ZFHX3: variants seen among roughly 807,000 people sequenced by gnomAD.
The protein encoded by ZFHX3 is zinc finger homeobox 3.
ZFHX3 carries 42 observed loss-of-function variants against 279.1 expected under a neutral mutation model. That is an observed-to-expected ratio of 0.15 (90% CI 0.12 to 0.19). ZFHX3 has a LOEUF of 0.19. ZFHX3 is among the 10% of genes least tolerant of loss of function. The pLI, the probability that ZFHX3 is intolerant of heterozygous loss-of-function variation, is 1.00. For missense variants in ZFHX3, 4,981 were observed against 4,754.0 expected, an observed-to-expected ratio of 1.05 and a Z score of -1.40; for synonymous variants, 2,293 against 1,957.8, an observed-to-expected ratio of 1.17 and a Z score of -4.52.
chr16:73,630,432 CT>C (rs2052457711), intron 2 of ZFHX3, among the ~76,000 whole-genome samples: 1 of 152,226 alleles, frequency 6.6e-6, no homozygotes, highest in Admixed American at 6.5e-5. Flanking sequence ...TCAACTTCAC[CT>C]TGCTATGGAG....
chr16:73,891,049 A>C (rs2030522040), intron 1 of ZFHX3, among the ~76,000 whole-genome samples: 1 of 102,218 alleles, frequency 9.8e-6, no homozygotes, highest in Non-Finnish European at 1.9e-5. Context: ...CCCCGCTCAG[A>C]GAAGTGATCA....
chr16:73,097,679 TC>T (rs1362447234), intron 7 of ZFHX3, among the ~76,000 whole-genome samples: 3 of 152,160 alleles, frequency 2.0e-5, no homozygotes, highest in African/African-American at 7.2e-5. Flanking sequence ...TTCTCGTCAC[TC>T]TAAACGTAAA....
intron 4 of ZFHX3, among the ~76,000 whole-genome samples, chr16:72,839,267 C>T (rs962730195): frequency 4.6e-5 from 7 of 151,720 alleles, no homozygotes; most frequent in South Asian, 2.1e-4. Context: ...ACAAAGGAGG[C>T]GCGCTCTCTG....
chr16:73,012,124 G>A (rs1963938744), intron 1 of ZFHX3, among the ~76,000 whole-genome samples: 2 of 152,200 alleles, frequency 1.3e-5, no homozygotes, highest in Non-Finnish European at 2.9e-5. Context: ...TCTCAGCAGG[G>A]CTTTGAAACC....
chr16:73,281,871 G>A (rs2014466515), intron 4 of ZFHX3, among the ~76,000 whole-genome samples: 1 of 152,070 alleles, frequency 6.6e-6, no homozygotes, highest in Admixed American at 6.6e-5. Flanking sequence ...ATATGATCAG[G>A]GGTTACAGGG....
chr16:73,675,338 C>T (rs376853039), intron 2 of ZFHX3, among the ~76,000 whole-genome samples: 102 of 152,030 alleles, frequency 6.7e-4, no homozygotes, highest in African/African-American at 2.3e-3. Context: ...CCCAAAACCT[C>T]CCTAAATAGA....
At chr16:73,751,537 G>C (rs750661518) in intron 1 of ZFHX3, among the ~76,000 whole-genome samples, 2 of 151,972 alleles carry the variant, frequency 1.3e-5, no homozygotes, top group African/African-American at 4.8e-5. Flanking sequence ...ATGTGTGTGT[G>C]TGTATATATG....
intron 1 of ZFHX3, among the ~76,000 whole-genome samples, chr16:73,850,773 C>T (rs758080607): frequency 1.3e-5 from 2 of 149,562 alleles, no homozygotes; most frequent in South Asian, 2.2e-4. Context: ...CAGCTCTCTT[C>T]GCCCAAAGCC....
chr16:73,574,494 G>C (rs2051778765), intron 2 of ZFHX3, among the ~76,000 whole-genome samples: 1 of 152,102 alleles, frequency 6.6e-6, no homozygotes, highest in Admixed American at 6.5e-5. Flanking sequence ...CAAATTCTTT[G>C]GGAGTAGAGA....
rs185482992 is a variant in ZFHX3, at chr16:73,623,601, G to A, written c.-1547+56579C>T. Among the ~76,000 whole-genome samples, 26 of 152,298 alleles carry A rather than the reference G, an allele frequency of 1.7e-4. No individual in the cohort carries two copies. The East Asian group carries it at 5.0e-3, about 29-fold the overall frequency. Reference sequence around the variant, plus strand: ...TAATTTCCCTAAAATGGAGGTAATAGGTACTCAGGGAATACACCTCCAGGG... The same window carrying A: ...TAATTTCCCTAAAATGGAGGTAATAAGTACTCAGGGAATACACCTCCAGGG... On this transcript the variant is annotated intron_variant, in intron 2 of 17. Transcript: ENST00000641206.
chr16:73,602,136 C>T (rs1397724992), intron 2 of ZFHX3, among the ~76,000 whole-genome samples: 1 of 151,724 alleles, frequency 6.6e-6, no homozygotes, highest in Non-Finnish European at 1.5e-5. Flanking sequence ...TGTCTCAAAA[C>T]AAAACAGAAA....
chr16:73,283,206 C>T (rs183206210), intron 4 of ZFHX3, among the ~76,000 whole-genome samples: 9 of 152,214 alleles, frequency 5.9e-5, no homozygotes, highest in Admixed American at 2.6e-4. Context: ...ACCTGCTTTC[C>T]GGCAACTGTT....
intron 3 of ZFHX3, among the ~76,000 whole-genome samples, chr16:73,373,410 C>A (rs2016666941): frequency 6.6e-6 from 1 of 152,092 alleles, no homozygotes. Flanking sequence ...GGAGATGGAC[C>A]TTTGTGGGGC....
intron 1 of ZFHX3, among the ~76,000 whole-genome samples, chr16:73,685,096 C>A (rs2053067663): frequency 6.6e-6 from 1 of 151,808 alleles, no homozygotes; most frequent in Non-Finnish European, 1.5e-5. Context: ...CTCACTGCAA[C>A]CTCTGCCTTC....
At chr16:73,522,807 G>A (rs1299616198) in intron 2 of ZFHX3, among the ~76,000 whole-genome samples, 1 of 152,186 alleles carries the variant, frequency 6.6e-6, no homozygotes, top group Non-Finnish European at 1.5e-5. Context: ...AGTTCCACCT[G>A]GCTGGGGAGG....
intron 5 of ZFHX3, among the ~76,000 whole-genome samples, chr16:73,218,139 T>C (rs2012279586): frequency 6.6e-6 from 1 of 152,172 alleles, no homozygotes; most frequent in Non-Finnish European, 1.5e-5. Context: ...TGGAGCCCAG[T>C]ACATGGTATG....
intron 2 of ZFHX3, among the ~76,000 whole-genome samples, chr16:73,556,385 G>A (rs909674154): frequency 1.3e-5 from 2 of 152,184 alleles, no homozygotes; most frequent in African/African-American, 4.8e-5. Context: ...CTTCCCTTCT[G>A]ACAATGGTCA....
intron 3 of ZFHX3, among the ~76,000 whole-genome samples, chr16:73,433,083 G>C (rs1439249138): frequency 1.3e-5 from 2 of 152,182 alleles, no homozygotes; most frequent in African/African-American, 4.8e-5. Flanking sequence ...TTCTCTCCTG[G>C]CTGGGGGGAT....
intron 3 of ZFHX3, among the ~76,000 whole-genome samples, chr16:73,408,790 G>A (rs1455411760): frequency 6.6e-6 from 1 of 152,182 alleles, no homozygotes; most frequent in East Asian, 1.9e-4. Context: ...AGACAGGCAT[G>A]GCTTTGCATG....
Sources: allele counts gnomAD v4.1 joint callset (sites outside exome capture counted in the v4.1 genomes callset), GRCh38; gene constraint gnomAD v4.1.1; transcripts MANE v1.5; gene names NCBI Gene and HGNC (gene_info 2026-07-23, HGNC 2026-07-21).